Variants in TENM2 observed in about 807,000 individuals in gnomAD.
The protein encoded by TENM2 is teneurin-2.
A neutral mutation model predicts 245.2 loss-of-function variants in TENM2; 52 were observed. The observed-to-expected ratio is 0.21, with a 90% CI of 0.17 to 0.27. The LOEUF (loss-of-function observed/expected upper bound fraction) is 0.27. TENM2 is among the 10% of genes least tolerant of loss of function. The probability of loss-of-function intolerance (pLI) is 1.00; values close to 1 mark genes in which losing one functional copy is unlikely to be tolerated. For synonymous variants in TENM2, 1,363 were observed against 1,438.9 expected (o/e 0.95, Z 1.19); for missense variants, 3,046 against 3,666.8 (o/e 0.83, Z 4.37).
At chr5:168,093,535 A>G (rs569555341) in intron 8 of TENM2, among the ~76,000 whole-genome samples, 1 of 152,314 alleles carries the variant, frequency 6.6e-6, no homozygotes, top group East Asian at 1.9e-4. Context: ...AACAGAAGGA[A>G]AATGTTAGAC....
At chr5:167,592,348 A>G (rs1775933875) in intron 2 of TENM2, among the ~76,000 whole-genome samples, 1 of 152,200 alleles carries the variant, frequency 6.6e-6, no homozygotes, top group Non-Finnish European at 1.5e-5. Context: ...GAGAAGCCCC[A>G]GCTCAGCAAG....
chr5:168,253,421 A>AT (rs758184753), intron 27 of TENM2, among the ~76,000 whole-genome samples: 21 of 108,694 alleles, frequency 1.9e-4, no homozygotes, highest in Admixed American at 5.5e-4. Flanking sequence ...AAATGCATTC[A>AT]TTATTTTATT....
At chr5:168,200,131 G>T (rs549901644) in exon 17 of TENM2, 9 of 1,610,452 alleles carry the variant, frequency 5.6e-6, no homozygotes, top group African/African-American at 1.3e-5. Flanking sequence ...AGATGCTGTT[G>T]GTATGTTTTG....
chr5:168,032,412 A>G (rs1581113282), intron 5 of TENM2, among the ~76,000 whole-genome samples: 1 of 152,238 alleles, frequency 6.6e-6, no homozygotes, highest in Non-Finnish European at 1.5e-5. Context: ...TGGGATGCCC[A>G]GGAAACATCT....
chr5:167,854,682 G>A (rs1053385932), intron 2 of TENM2, among the ~76,000 whole-genome samples: 2 of 152,076 alleles, frequency 1.3e-5, no homozygotes, highest in Non-Finnish European at 2.9e-5. Flanking sequence ...CAGTTATGTC[G>A]TATATCTTAT....
rs71603842 is a variant in TENM2 at position 167,915,050 on chromosome 5, C to A, written c.713-37538C>A. On this transcript the variant is annotated intron_variant, in intron 3 of 28. Coordinates refer to ENST00000518659, the Ensembl canonical transcript of TENM2. ...ACACAATTTAACTCATAATATCATG[C>A]GAGTTAACATATTCACAGGTTCTGG... Among the ~76,000 whole-genome samples, 1,225 of 152,164 alleles carry A rather than the reference C, an allele frequency of 8.1e-3. 9 individuals carry two copies. The highest frequency in any genetic ancestry group is 0.013 in the Non-Finnish European group (857 of 68,000).
At chr5:167,658,718 A>G (rs1755010640) in intron 2 of TENM2, among the ~76,000 whole-genome samples, 1 of 152,074 alleles carries the variant, frequency 6.6e-6, no homozygotes, top group Non-Finnish European at 1.5e-5. Context: ...TAACTGATTG[A>G]CCTAGGATAG....
chr5:167,822,625 AT>A (rs1048727314), intron 2 of TENM2, among the ~76,000 whole-genome samples: 2 of 152,240 alleles, frequency 1.3e-5, no homozygotes, highest in African/African-American at 4.8e-5. Context: ...TTTCTACAGA[AT>A]TCACATGTCA....
the TENM2 span, among the ~76,000 whole-genome samples, chr5:167,108,845 A>G: frequency 6.6e-6 from 1 of 152,232 alleles, no homozygotes; most frequent in Non-Finnish European, 1.5e-5. Flanking sequence ...AGGCCTGAAT[A>G]AAAGAGCTCC....
At chr5:167,232,247 G>A in the TENM2 span, among the ~76,000 whole-genome samples, 73 of 152,188 alleles carry the variant, frequency 4.8e-4, no homozygotes, top group African/African-American at 1.7e-3. Flanking sequence ...AGATGGCCAC[G>A]GTCCTCCAGT....
intron 2 of TENM2, among the ~76,000 whole-genome samples, chr5:167,540,285 AT>A (rs2127603148): frequency 6.6e-6 from 1 of 152,290 alleles, no homozygotes. Context: ...ACAGCTCCTG[AT>A]TTGCAGACAC....
intron 1 of TENM2, among the ~76,000 whole-genome samples, chr5:167,302,260 C>T (rs1755376265): frequency 6.6e-6 from 1 of 151,994 alleles, no homozygotes; most frequent in East Asian, 1.9e-4. Flanking sequence ...GGTCAAGTGG[C>T]ATTATAGAAG....
chr5:167,779,545 C>T (rs879316629), intron 2 of TENM2, among the ~76,000 whole-genome samples: 7 of 152,156 alleles, frequency 4.6e-5, no homozygotes, highest in Non-Finnish European at 1.0e-4. Context: ...GAAATGAGAA[C>T]ATGTTACTTC....
intron 2 of TENM2, among the ~76,000 whole-genome samples, chr5:167,627,122 G>T (rs1201863487): frequency 1.3e-5 from 2 of 152,132 alleles, no homozygotes; most frequent in Non-Finnish European, 2.9e-5. Flanking sequence ...TTTGTGGAAT[G>T]GAGGGGAGGA....
chr5:167,791,478 TTA>T (rs1329123264), intron 2 of TENM2, among the ~76,000 whole-genome samples: 15 of 126,410 alleles, frequency 1.2e-4, no homozygotes, highest in East Asian at 2.6e-4. Flanking sequence ...TTATAATTTA[TTA>T]TATATATAAT....
At chr5:167,326,398 G>A (rs1292065772) in intron 1 of TENM2, among the ~76,000 whole-genome samples, 2 of 152,080 alleles carry the variant, frequency 1.3e-5, no homozygotes, top group Non-Finnish European at 2.9e-5. Flanking sequence ...AAGTCAGCCA[G>A]GCATGGTGGC....
chr5:167,040,174 C>T, the TENM2 span, among the ~76,000 whole-genome samples: 2 of 152,028 alleles, frequency 1.3e-5, no homozygotes, highest in Non-Finnish European at 2.9e-5. Context: ...TATTTCTGTG[C>T]TCTGCTTTAC....
At chr5:167,446,762 T>G (rs1765233888) in intron 2 of TENM2, among the ~76,000 whole-genome samples, 2 of 150,910 alleles carry the variant, frequency 1.3e-5, no homozygotes, top group Non-Finnish European at 1.5e-5. Context: ...GTCTTAATTT[T>G]TTACTCACCC....
chr5:168,054,544 C>T (rs972225243), intron 6 of TENM2, among the ~76,000 whole-genome samples: 6 of 152,194 alleles, frequency 3.9e-5, no homozygotes, highest in Non-Finnish European at 7.3e-5. Context: ...CTCCAGAGTT[C>T]GGTTAAGTTA....
Sources: gnomAD v4.1 joint callset for allele counts (sites outside exome capture counted in the v4.1 genomes callset) on GRCh38, gnomAD v4.1.1 for gene constraint, MANE v1.5 for transcripts, NCBI Gene and HGNC (gene_info 2026-07-23, HGNC 2026-07-21) for gene names.